LRGUK: variants seen among roughly 807,000 people sequenced by gnomAD.
The protein encoded by LRGUK is leucine-rich repeat and guanylate kinase domain-containing protein.
A neutral mutation model predicts 76.0 loss-of-function variants in LRGUK; 65 were observed. The ratio of observed to expected loss-of-function variants is 0.85; its 90% confidence interval spans 0.70 to 1.05. The LOEUF (loss-of-function observed/expected upper bound fraction) is 1.05, where lower values mean the gene tolerates loss of function less well. Among genes scored for constraint, LRGUK ranks in the 50% least tolerant of loss-of-function variants. The probability of loss-of-function intolerance (pLI) is 0.00; values close to 1 mark genes in which losing one functional copy is unlikely to be tolerated. For missense variants in LRGUK, 758 were observed against 732.8 expected (o/e 1.03, Z -0.40); for synonymous variants, 268 against 265.6 (o/e 1.01, Z -0.09).
At chr7:134,257,099 A>G (rs1370072553) in intron 18 of LRGUK, among the ~76,000 whole-genome samples, 1 of 152,180 alleles carries the variant, frequency 6.6e-6, no homozygotes, top group East Asian at 1.9e-4. Flanking sequence ...TACTCATGGC[A>G]TGACTTCCAT....
exon 16 of LRGUK, chr7:134,209,763 C>T (rs60390156): frequency 5.0e-6 from 2 of 399,452 alleles, no homozygotes; most frequent in Non-Finnish European, 8.8e-6. Flanking sequence ...AGCCCCCAGG[C>T]AGCCCACAGT....
intron 16 of LRGUK, among the ~76,000 whole-genome samples, chr7:134,232,188 C>G (rs536197580): frequency 1.3e-5 from 2 of 152,280 alleles, no homozygotes; most frequent in African/African-American, 4.8e-5. Flanking sequence ...AGCCCTCTTA[C>G]TACTACCTTC....
At chr7:134,137,734 T>G (rs1319594604) in intron 2 of LRGUK, among the ~76,000 whole-genome samples, 2 of 152,226 alleles carry the variant, frequency 1.3e-5, no homozygotes, top group Non-Finnish European at 2.9e-5. Flanking sequence ...GAATACTTGC[T>G]TCTTTCCTCA....
chr7:134,261,966 T>G (rs1445739836), intron 19 of LRGUK, among the ~76,000 whole-genome samples: 1 of 152,188 alleles, frequency 6.6e-6, no homozygotes, highest in African/African-American at 2.4e-5. Flanking sequence ...AAAAGGGAAA[T>G]TAAGTTACTT....
At chr7:134,252,325 C>G (rs1470374755) in intron 18 of LRGUK, among the ~76,000 whole-genome samples, 1 of 150,006 alleles carries the variant, frequency 6.7e-6, no homozygotes, top group African/African-American at 2.4e-5. Context: ...GTGACAGACC[C>G]TGTCTCAAAT....
chr7:134,229,392 A>C (rs1288549552), intron 16 of LRGUK, among the ~76,000 whole-genome samples: 1 of 151,772 alleles, frequency 6.6e-6, no homozygotes, highest in Non-Finnish European at 1.5e-5. Flanking sequence ...CTATCTATCT[A>C]TCTATCTATC....
At chr7:134,139,933 C>T (rs1797700131) in intron 3 of LRGUK, among the ~76,000 whole-genome samples, 1 of 151,912 alleles carries the variant, frequency 6.6e-6, no homozygotes, top group African/African-American at 2.4e-5. Flanking sequence ...TTATTACACT[C>T]TTTATTCTGC....
intron 7 of LRGUK, among the ~76,000 whole-genome samples, chr7:134,173,157 G>C (rs760188340): frequency 6.6e-6 from 1 of 152,186 alleles, no homozygotes; most frequent in Non-Finnish European, 1.5e-5. Context: ...GGACAGTTTA[G>C]TCATCTTACG....
intron 11 of LRGUK, among the ~76,000 whole-genome samples, chr7:134,185,518 A>G (rs949833142): frequency 6.7e-6 from 1 of 149,948 alleles, no homozygotes; most frequent in African/African-American, 2.5e-5. Flanking sequence ...ACAGAGCGAG[A>G]CTCTGTCTCA....
intron 4 of LRGUK, among the ~76,000 whole-genome samples, chr7:134,146,801 G>A (rs891166360): frequency 6.6e-6 from 1 of 152,006 alleles, no homozygotes; most frequent in Admixed American, 6.6e-5. Context: ...AAATTTGGGG[G>A]GTGAAATCAC....
chr7:134,213,567 C>T (rs938810655), downstream of LRGUK, among the ~76,000 whole-genome samples: 2 of 152,162 alleles, frequency 1.3e-5, no homozygotes, highest in African/African-American at 4.8e-5. Context: ...TAATTTTCCT[C>T]TTCGGGCGCC....
At chr7:134,258,055 A>G (rs1802628214) in intron 18 of LRGUK, among the ~76,000 whole-genome samples, 1 of 152,142 alleles carries the variant, frequency 6.6e-6, no homozygotes, top group African/African-American at 2.4e-5. Context: ...TGTGTACAGT[A>G]CCTATTATAC....
chr7:134,130,875 A>G (rs1205610939), intron 1 of LRGUK, among the ~76,000 whole-genome samples: 1 of 152,200 alleles, frequency 6.6e-6, no homozygotes, highest in Non-Finnish European at 1.5e-5. Flanking sequence ...AAATTACTTA[A>G]CCTCTCTCAT....
intron 11 of LRGUK, among the ~76,000 whole-genome samples, chr7:134,185,422 G>A (rs1187449630): frequency 6.6e-6 from 1 of 151,908 alleles, no homozygotes; most frequent in Non-Finnish European, 1.5e-5. Context: ...TTAGCTGGGT[G>A]TGTTGGCGCA....
chr7:134,218,571 A>G (rs756205103), intron 15 of LRGUK, among the ~76,000 whole-genome samples: 35 of 152,236 alleles, frequency 2.3e-4, no homozygotes, highest in Non-Finnish European at 3.8e-4. Flanking sequence ...TGGTAAGTTC[A>G]TCACTAATTA....
At chr7:134,158,192 G>A in intron 6 of LRGUK, 33 bp downstream of exon 6, 1 of 1,584,666 alleles carries the variant, frequency 6.3e-7, no homozygotes, top group Non-Finnish European at 8.6e-7. Flanking sequence ...CTTTATAGAA[G>A]TAGTAGTTAA....
At chr7:134,262,396 A>T (rs1350142005) in intron 19 of LRGUK, among the ~76,000 whole-genome samples, 1 of 152,190 alleles carries the variant, frequency 6.6e-6, no homozygotes, top group Non-Finnish European at 1.5e-5. Context: ...AAATAAAGTC[A>T]AATATACTGG....
intron 16 of LRGUK, among the ~76,000 whole-genome samples, chr7:134,242,268 G>C (rs1262429952): frequency 1.3e-5 from 2 of 152,124 alleles, no homozygotes; most frequent in Non-Finnish European, 2.9e-5. Context: ...CCAGGAGCTG[G>C]TTTTTTGAAA....
intron 5 of LRGUK, among the ~76,000 whole-genome samples, chr7:134,157,054 T>C (rs1798494321): frequency 1.3e-5 from 2 of 152,192 alleles, no homozygotes; most frequent in African/African-American, 2.4e-5. Flanking sequence ...AACAGAATTA[T>C]GACTTTGAAA....
Sources: allele counts gnomAD v4.1 joint callset (sites outside exome capture counted in the v4.1 genomes callset), GRCh38; gene constraint gnomAD v4.1.1; transcripts MANE v1.5; gene names NCBI Gene and HGNC (gene_info 2026-07-23, HGNC 2026-07-21).